Variants in ING5 observed in about 807,000 individuals in gnomAD.
The protein encoded by ING5 is inhibitor of growth family member 5.
A neutral mutation model predicts 37.4 loss-of-function variants in ING5; 17 were observed. The ratio of observed to expected loss-of-function variants is 0.45; its 90% CI spans 0.31 to 0.68. ING5 has a LOEUF of 0.68. ING5 is among the 30% of genes least tolerant of loss of function. The pLI, the probability that ING5 is intolerant of heterozygous loss-of-function variation, is 0.05. For missense variants in ING5, 233 were observed against 311.9 expected (o/e 0.75, Z 1.91); for synonymous variants, 123 against 116.6 (o/e 1.06, Z -0.36).
chr2:241,690,693 G>A (rs1433229671), intron 2 of ING5: 2 of 398,564 alleles, frequency 5.0e-6, no homozygotes, highest in Middle Eastern at 6.2e-4. Context: ...GTGGGATGCT[G>A]GGTCTGTGTG....
chr2:241,703,129 A>AGG (rs2069794965), intron 1 of ING5, among the ~76,000 whole-genome samples: 1 of 151,822 alleles, frequency 6.6e-6, no homozygotes, highest in Admixed American at 6.6e-5. Flanking sequence ...AGCACGCTGG[A>AGG]GGGGAGGCCT....
intron 2 of ING5, among the ~76,000 whole-genome samples, chr2:241,706,181 C>T (rs895874986): frequency 8.5e-5 from 13 of 152,142 alleles, no homozygotes; most frequent in African/African-American, 2.7e-4. Flanking sequence ...CAACTGCACA[C>T]TTGTTGCCCT....
chr2:241,703,056 C>T (rs2069792723), intron 1 of ING5, among the ~76,000 whole-genome samples: 2 of 152,174 alleles, frequency 1.3e-5, no homozygotes, highest in Non-Finnish European at 2.9e-5. Flanking sequence ...TGCCCATGTG[C>T]TCCGCTGTCT....
At chr2:241,700,249 C>T (rs1479163970), upstream of ING5, among the ~76,000 whole-genome samples, 7 of 151,444 alleles carry the variant, frequency 4.6e-5, 1 homozygote, top group Admixed American at 1.3e-4. Flanking sequence ...CTCAGCCTCC[C>T]GGGTTCACGC....
At chr2:241,706,625 CAAAAAAA>C (rs770869002) in intron 2 of ING5, among the ~76,000 whole-genome samples, 10 of 109,332 alleles carry the variant, frequency 9.1e-5, no homozygotes, top group East Asian at 2.7e-4. Context: ...AACTCCATCT[CAAAAAAA>C]AAAAAAAAAA....
intron 5 of ING5, chr2:241,721,467 G>A (rs1169755922): frequency 1.3e-5 from 13 of 985,442 alleles, no homozygotes; most frequent in Middle Eastern, 5.2e-4. Flanking sequence ...CGGGGAGGCC[G>A]GGTGCATGCT....
intron 3 of ING5, among the ~76,000 whole-genome samples, chr2:241,710,223 C>T (rs2070065887): frequency 6.6e-6 from 1 of 152,168 alleles, no homozygotes; most frequent in South Asian, 2.1e-4. Context: ...TCTCCTGCCT[C>T]AGCCTCCTGA....
At chr2:241,721,464 GC>G in intron 5 of ING5, 1 of 985,670 alleles carries the variant, frequency 1.0e-6, no homozygotes, top group Non-Finnish European at 1.2e-6. Context: ...CAGCGGGGAG[GC>G]CGGGTGCATG....
At chr2:241,707,330 G>T (rs1575125429) in intron 2 of ING5, among the ~76,000 whole-genome samples, 1 of 151,494 alleles carries the variant, frequency 6.6e-6, no homozygotes, top group Admixed American at 6.6e-5. Flanking sequence ...CGCTCTTGTT[G>T]TCCAGGCTGG....
intron 1 of ING5, among the ~76,000 whole-genome samples, chr2:241,703,613 T>C (rs1433436033): frequency 6.6e-6 from 1 of 152,074 alleles, no homozygotes; most frequent in Non-Finnish European, 1.5e-5. Flanking sequence ...TTTCTTTTTC[T>C]TTTTTTGATT....
At chr2:241,697,163 C>T (rs558242818), upstream of ING5, among the ~76,000 whole-genome samples, 1 of 149,382 alleles carries the variant, frequency 6.7e-6, no homozygotes, top group South Asian at 2.1e-4. Context: ...TGGCCAGGGG[C>T]TGTGGCTCAT....
At position 241,722,534 on chromosome 2, in the gene ING5, T is replaced by C. The variant is rs538017685; in HGVS notation, c.483-405T>C. 39 of 985,408 alleles carry C rather than the reference T, an allele frequency of 4.0e-5. No individual in the cohort carries two copies. The African/African-American group carries it at 6.6e-4, about 17-fold the overall frequency. The allele number at this position is 985,408 out of a possible 1,614,324, so 61.0% of individuals were successfully genotyped here. ...GCCAGCTGCTGCTGTTCCTGGATTTTTGTGGGTAACTGTTCTTTCTAGCAT... is the reference window on the plus strand; with the variant it reads ...GCCAGCTGCTGCTGTTCCTGGATTTCTGTGGGTAACTGTTCTTTCTAGCAT... On this transcript the variant is annotated intron_variant, in intron 5 of 7. Coordinates refer to ENST00000313552, the MANE Select transcript of ING5 (RefSeq NM_032329.6).
intron 2 of ING5, among the ~76,000 whole-genome samples, chr2:241,707,368 G>T (rs1280844550): frequency 4.1e-5 from 6 of 146,734 alleles, no homozygotes. Flanking sequence ...TCAGCTCACC[G>T]CAACCTCCGC....
At chr2:241,706,446 A>T (rs1231802272) in intron 2 of ING5, among the ~76,000 whole-genome samples, 2 of 151,218 alleles carry the variant, frequency 1.3e-5, no homozygotes, top group East Asian at 3.9e-4. Flanking sequence ...CCTGATCGAC[A>T]TGGAGAAACC....
rs140745825 is a variant in ING5, at chr2:241,716,590, G to A, written c.482+4519G>A. Among the ~76,000 whole-genome samples, 1,207 of 152,056 alleles carry A rather than the reference G, an allele frequency of 7.9e-3. 15 individuals are homozygous for A. Among genetic ancestry groups the A allele is most frequent in the African/African-American group, 0.028 (1,145 of 41,516 alleles). On this transcript the variant is annotated intron_variant, in intron 5 of 7. Coordinates refer to ENST00000313552, the MANE Select transcript of ING5 (RefSeq NM_032329.6). ...GATTACAGGCGTGAGCCACTGCCCC[G>A]GCCCCTGTATTTTAAGGATTGTTCT...
chr2:241,725,793 G>T lies in ING5; in HGVS notation c.*762G>T, dbSNP rs546661541. On this transcript the variant is annotated 3_prime_UTR_variant, in exon 8 of 8. Coordinates refer to ENST00000313552, the MANE Select transcript of ING5 (RefSeq NM_032329.6). ...GGAATTGGTGATTTTTTACTGTGAA[G>T]ATGAAATTACCCTAATAGCATGAAG... The T allele has an allele frequency of 6.5e-6, 1 of 152,696 alleles. No homozygotes were observed. Among genetic ancestry groups the T allele is most frequent in the East Asian group, 1.9e-4 (1 of 5,174 alleles). The allele number at this position is 152,696 out of a possible 1,614,324, so 9.5% of individuals were successfully genotyped here.
chr2:241,720,438 G>A (rs2070402358), intron 5 of ING5: 1 of 1,074,338 alleles, frequency 9.3e-7, no homozygotes, highest in Non-Finnish European at 1.1e-6. Flanking sequence ...GGAATGCAGT[G>A]TTCCTAGACT....
upstream of ING5, chr2:241,687,053 A>G (rs1175462716): frequency 1.2e-5 from 5 of 422,770 alleles, no homozygotes; most frequent in African/African-American, 6.2e-5. Context: ...TCGGGCGAGC[A>G]GGGCCCTTCG....
At chr2:241,700,587 C>A (rs2069701335), upstream of ING5, among the ~76,000 whole-genome samples, 1 of 152,002 alleles carries the variant, frequency 6.6e-6, no homozygotes. Flanking sequence ...TCCCGAGTAT[C>A]TGGGATTACA....
Sources: gnomAD v4.1 joint callset for allele counts (sites outside exome capture counted in the v4.1 genomes callset) on GRCh38, gnomAD v4.1.1 for gene constraint, MANE v1.5 for transcripts, NCBI Gene and HGNC (gene_info 2026-07-23, HGNC 2026-07-21) for gene names.